RPGRIP1: variants seen among roughly 807,000 people sequenced by gnomAD.
RPGRIP1 encodes the protein X-linked retinitis pigmentosa GTPase regulator-interacting protein 1.
Under a neutral mutation model 157.9 loss-of-function variants are expected in RPGRIP1, and 128 were observed. The ratio of observed to expected loss-of-function variants is 0.81; its 90% CI spans 0.70 to 0.94. The LOEUF (loss-of-function observed/expected upper bound fraction) is 0.94. Among genes scored for constraint, RPGRIP1 ranks in the 40% least tolerant of loss-of-function variants. The pLI is 0.00. For missense variants in RPGRIP1, 1,486 were observed against 1,545.8 expected (o/e 0.96, Z 0.65); for synonymous variants, 554 against 571.6 (o/e 0.97, Z 0.44).
intron 23 of RPGRIP1, among the ~76,000 whole-genome samples, chr14:21,346,034 A>T (rs997625309): frequency 2.6e-5 from 4 of 151,544 alleles, no homozygotes; most frequent in African/African-American, 9.7e-5. Flanking sequence ...GGCCAGGCTG[A>T]TCCCAACCCC....
intron 19 of RPGRIP1, among the ~76,000 whole-genome samples, chr14:21,329,251 G>A (rs574997864): frequency 2.4e-4 from 36 of 151,862 alleles, no homozygotes; most frequent in African/African-American, 7.7e-4. Flanking sequence ...CCCAGGAGGC[G>A]GAGGTTGCAG....
intron 22 of RPGRIP1, among the ~76,000 whole-genome samples, chr14:21,344,826 A>C (rs952401153): frequency 5.3e-5 from 8 of 152,106 alleles, no homozygotes; most frequent in Admixed American, 5.2e-4. Context: ...TGCACCTGTA[A>C]TCCCAACTAC....
At position 21,311,837 on chromosome 14, in the gene RPGRIP1, T is replaced by C. The variant is rs1167931355; in HGVS notation, c.944T>C (p.Leu315Pro). The C allele has an allele frequency of 6.2e-7, 1 of 1,604,180 alleles. No homozygotes were observed. Among genetic ancestry groups the C allele is most frequent in the African/African-American group, 1.3e-5 (1 of 74,470 alleles). The change falls in exon 9 of 25, where the codon CTG (leucine) becomes CCG (proline). Residue 315 changes from leucine (L) to proline (P), a missense_variant. Transcript: ENST00000400017. ...ETLLQKNQGI[L>P]SAAHEALLKQ... ...CTTTTGACCCAGAATCAGGGAATCC[T>C]GAGTGCAGCCCATGAGGCCCTCCTC... is the stretch of plus-strand genomic sequence containing the variant.
chr14:21,328,459 T>G lies in RPGRIP1; in HGVS notation c.2931T>G (p.Ala977=). 1 of 1,613,604 alleles carries G rather than the reference T, an allele frequency of 6.2e-7. No individual in the cohort carries two copies. Among genetic ancestry groups the G allele is most frequent in the South Asian group, 1.1e-5 (1 of 91,026 alleles). Residue 977 remains alanine (A), a synonymous_variant, in exon 19 of 25, where the codon GCT becomes GCG. Transcript: ENST00000400017. ...QMASPEVPIE[A]GQYRSKRKPP... ...CATCTCCTGAGGTTCCCATTGAAGC[T>G]GGCCAGTATCGATCTAAGAGAAAAC...
At chr14:21,304,382 GGA>G (rs1175981568) in intron 6 of RPGRIP1, among the ~76,000 whole-genome samples, 2 of 94,830 alleles carry the variant, frequency 2.1e-5, no homozygotes, top group Admixed American at 1.1e-4. Flanking sequence ...GAGGGAGGAA[GGA>G]GAGAGAGAAA....
chr14:21,312,998 A>C (rs1454644516), intron 10 of RPGRIP1, among the ~76,000 whole-genome samples: 2 of 151,670 alleles, frequency 1.3e-5, no homozygotes, highest in Admixed American at 1.3e-4. Flanking sequence ...ACACCTGGCT[A>C]ATTTTTTTCT....
Position 21,306,111 on chromosome 14 carries a change from T to C in RPGRIP1, c.801-1620T>C, listed in dbSNP as rs971847816. ...GAGCTCCTAGGTTCAGGAATAATAG[T>C]CTTTTTTTTTTTTTTTTTTTTTTTT... is the stretch of plus-strand genomic sequence containing the variant. On this transcript the variant is annotated intron_variant, in intron 6 of 24. Coordinates refer to ENST00000400017, the MANE Select transcript of RPGRIP1 (RefSeq NM_020366.4). Among the ~76,000 whole-genome samples, 4 of 100,576 alleles carry C rather than the reference T, an allele frequency of 4.0e-5. No individual in the cohort carries two copies. In the South Asian group the frequency reaches 1.1e-3, roughly 27 times the overall value. 66.0% of individuals were successfully genotyped at this position (100,576 alleles called of 152,430 possible).
intron 21 of RPGRIP1, among the ~76,000 whole-genome samples, chr14:21,342,493 ATGATCACACAAC>A (rs1208398127): frequency 2.0e-5 from 3 of 151,540 alleles, no homozygotes; most frequent in Non-Finnish European, 4.4e-5. Flanking sequence ...GCAGTGAACC[ATGATCACACAAC>A]TGCCCTCCAG....
rs745741473 is a variant in RPGRIP1, at chr14:21,325,927, C to CCATA, written c.2465_2468dup (p.Ala824IlefsTer11). The stretch of plus-strand genomic sequence containing the variant: ...TCGATGGCTGGGAACTCAACCCAGT[C>CCATA]CATATGCTGTGTACCGCTTCTTCAC... On this transcript the variant is annotated frameshift_variant, in exon 17 of 25. Transcript: ENST00000400017. LOFTEE classifies it high-confidence loss of function. The CCATA allele has an allele frequency of 3.1e-6, 5 of 1,613,936 alleles. No individual in the cohort carries two copies. The highest frequency in any genetic ancestry group is 3.4e-6 in the Non-Finnish European group (4 of 1,179,836).
chr14:21,347,112 A>G (rs750763683), intron 23 of RPGRIP1, among the ~76,000 whole-genome samples: 6 of 152,092 alleles, frequency 3.9e-5, no homozygotes, highest in Non-Finnish European at 8.8e-5. Context: ...TTATTCCCTT[A>G]CAGTGATAAT....
intron 2 of RPGRIP1, among the ~76,000 whole-genome samples, chr14:21,290,582 C>T (rs149186065): frequency 0.014 from 2,181 of 151,908 alleles, 51 homozygotes; most frequent in African/African-American, 0.05. Context: ...GAGGCCGAGG[C>T]GGGTGGATCA....
At chr14:21,295,561 G>T (rs1019116881) in intron 3 of RPGRIP1, among the ~76,000 whole-genome samples, 4 of 144,442 alleles carry the variant, frequency 2.8e-5, no homozygotes, top group African/African-American at 1.0e-4. Context: ...TCAGCTCACC[G>T]CAACCTCCGC....
At chr14:21,301,272 G>A in intron 4 of RPGRIP1, 35 bp downstream of exon 4, 1 of 1,559,818 alleles carries the variant, frequency 6.4e-7, no homozygotes, top group Non-Finnish European at 8.7e-7. Context: ...ACAGGGCTAA[G>A]ACACTGGGAA....
intron 23 of RPGRIP1, among the ~76,000 whole-genome samples, chr14:21,347,452 CAT>C (rs1228828170): frequency 3.3e-5 from 5 of 152,164 alleles, no homozygotes; most frequent in African/African-American, 1.2e-4. Flanking sequence ...GACATAGAAA[CAT>C]AGTTACAAAT....
Position 21,315,235 on chromosome 14 carries a change from C to T in RPGRIP1, c.1152-2461C>T, listed in dbSNP as rs780038432. On this transcript the variant is annotated intron_variant, in intron 10 of 24. Transcript: ENST00000400017. Reference sequence around the variant, plus strand: ...AAACTTAAAAGTGCCAGGCTGTGCGCGGTGGCTCATGCCTGTAATCCCAGC... The same window carrying T: ...AAACTTAAAAGTGCCAGGCTGTGCGTGGTGGCTCATGCCTGTAATCCCAGC... Among the ~76,000 whole-genome samples, 9 of 151,828 alleles carry T rather than the reference C, an allele frequency of 5.9e-5. No homozygotes were observed. In the East Asian group the frequency reaches 7.7e-4, roughly 13 times the overall value.
chr14:21,293,649 C>G (rs112788437), intron 2 of RPGRIP1, among the ~76,000 whole-genome samples: 1 of 152,036 alleles, frequency 6.6e-6, no homozygotes, highest in African/African-American at 2.4e-5. Flanking sequence ...GAGGCCGAAG[C>G]GGGTGGATCA....
chr14:21,343,268 A>T lies in RPGRIP1; in HGVS notation c.3532+40A>T, dbSNP rs549856481. The T allele has an allele frequency of 2.6e-5, 38 of 1,487,448 alleles. 1 individual carries two copies. The South Asian group carries it at 4.1e-4, about 16-fold the overall frequency. The allele number at this position is 1,487,448 out of a possible 1,614,324, so 92.1% of individuals were successfully genotyped here. A position where few individuals can be genotyped will look rare whatever the true frequency, so the allele number is the denominator to read the frequency against. On this transcript the variant is annotated intron_variant, in intron 22 of 24. Coordinates refer to ENST00000400017, the MANE Select transcript of RPGRIP1 (RefSeq NM_020366.4). ...GTGGTTACTGGGGTGAGGAAGTCTG[A>T]TGAACATTGAGACTGAGGGTCAGAA...
chr14:21,334,654 C>T lies in RPGRIP1; in HGVS notation c.3288C>T (p.Thr1096=), dbSNP rs771436916. The change falls in exon 21 of 25, where the codon ACC becomes ACT. Residue 1096 remains threonine, a synonymous_variant. Coordinates refer to ENST00000400017, the MANE Select transcript of RPGRIP1 (RefSeq NM_020366.4). ...QGSEVSEAQT[T]DSDDVIVPPM... The stretch of plus-strand genomic sequence containing the variant: ...CTGAAGTCAGTGAAGCACAAACTAC[C>T]GACAGTGATGATGTCATAGTGCCAC... The T allele has an allele frequency of 1.2e-5, 19 of 1,608,600 alleles. No individual in the cohort carries two copies. Among genetic ancestry groups the T allele is most frequent in the South Asian group, 5.6e-5 (5 of 90,030 alleles).
chr14:21,304,029 CCTT>C (rs1881165246), intron 6 of RPGRIP1, among the ~76,000 whole-genome samples: 1 of 145,532 alleles, frequency 6.9e-6, no homozygotes, highest in South Asian at 2.2e-4. Context: ...AATGAATTAA[CCTT>C]CTGGGCGCAG....
Sources: allele counts gnomAD v4.1 joint callset (sites outside exome capture counted in the v4.1 genomes callset), GRCh38; gene constraint gnomAD v4.1.1; transcripts MANE v1.5; gene names NCBI Gene and HGNC (gene_info 2026-07-23, HGNC 2026-07-21).